Variants in CFAP43 observed in about 807,000 individuals in gnomAD.
CFAP43 encodes the protein cilia and flagella associated protein 43.
A neutral mutation model predicts 218.9 loss-of-function variants in CFAP43; 155 were observed. The observed-to-expected ratio is 0.71, with a 90% CI of 0.62 to 0.81. The LOEUF is 0.81. Among genes scored for constraint, CFAP43 ranks in the 30% least tolerant of loss-of-function variants. CFAP43 has a pLI of 0.00. For synonymous variants in CFAP43, 645 were observed against 681.3 expected (o/e 0.95, Z 0.83); for missense variants, 1,778 against 1,954.3 (o/e 0.91, Z 1.70).
At chr10:104,177,025 T>C (rs1390577446) in intron 19 of CFAP43, among the ~76,000 whole-genome samples, 1 of 152,112 alleles carries the variant, frequency 6.6e-6, no homozygotes, top group African/African-American at 2.4e-5. Flanking sequence ...AAATAGTGTT[T>C]AGAGTTATGA....
At chr10:104,176,272 G>A (rs952934809) in intron 19 of CFAP43, among the ~76,000 whole-genome samples, 1 of 152,038 alleles carries the variant, frequency 6.6e-6, no homozygotes, top group African/African-American at 2.4e-5. Flanking sequence ...AAAACAGACT[G>A]GGGAAATGGG....
At chr10:104,151,365 T>C (rs1022578323) in intron 28 of CFAP43, among the ~76,000 whole-genome samples, 10 of 152,200 alleles carry the variant, frequency 6.6e-5, no homozygotes, top group African/African-American at 1.9e-4. Flanking sequence ...CCACCAACAG[T>C]GTATAAGCAT....
At chr10:104,220,357 G>A (rs2091143399) in intron 3 of CFAP43, among the ~76,000 whole-genome samples, 1 of 152,152 alleles carries the variant, frequency 6.6e-6, no homozygotes, top group Non-Finnish European at 1.5e-5. Flanking sequence ...GGCAGGCCTA[G>A]CTAATTAATA....
chr10:104,229,482 A>T (rs2091390592), intron 2 of CFAP43, among the ~76,000 whole-genome samples: 1 of 145,948 alleles, frequency 6.9e-6, no homozygotes, highest in Non-Finnish European at 1.5e-5. Flanking sequence ...GTAAAACCCC[A>T]TCCTCTGCCA....
At position 104,145,461 on chromosome 10, in the gene CFAP43, GA is replaced by G; in HGVS notation, c.3944+14del. Reference sequence around the variant, plus strand: ...ACTTTTTTCTCAGAAACACAATAGTGAAGGAGAAACAAACCTTGGTCGGCGT... The same window carrying G: ...ACTTTTTTCTCAGAAACACAATAGTGAGGAGAAACAAACCTTGGTCGGCGT... On this transcript the variant is annotated intron_variant, in intron 31 of 37. Transcript: ENST00000357060. 6.4e-7 allele frequency: 1 copy of G among 1,564,560 alleles called. No homozygotes were observed. Among genetic ancestry groups the G allele is most frequent in the Non-Finnish European group, 8.8e-7 (1 of 1,142,124 alleles).
At chr10:104,227,338 T>C (rs2091329685) in intron 2 of CFAP43, among the ~76,000 whole-genome samples, 1 of 152,144 alleles carries the variant, frequency 6.6e-6, no homozygotes, top group Non-Finnish European at 1.5e-5. Flanking sequence ...GTATACTGGG[T>C]CAAATAGAGT....
chr10:104,203,618 A>G, intron 8 of CFAP43, 54 bp downstream of exon 8: 1 of 1,524,292 alleles, frequency 6.6e-7, no homozygotes, highest in Non-Finnish European at 8.9e-7. Context: ...TCATGTAATG[A>G]TGATAATAAT....
chr10:104,147,973 G>A lies in CFAP43; in HGVS notation c.3686C>T (p.Ala1229Val). 2 of 1,590,156 alleles carry A rather than the reference G, an allele frequency of 1.3e-6. No individual in the cohort carries two copies. Among genetic ancestry groups the A allele is most frequent in the Non-Finnish European group, 1.7e-6 (2 of 1,167,034 alleles). The change falls in exon 29 of 38, where the codon GCA (alanine) becomes GTA (valine). Residue 1229 changes from alanine to valine, a missense_variant. Around this residue, in one of 3 missense-constraint regions of CFAP43, gnomAD observed 1,553 missense variants for 1,685.2 expected, o/e 0.92. Coordinates refer to ENST00000357060, the MANE Select transcript of CFAP43 (RefSeq NM_025145.7). ...TTCTTCATCCAACAATAAAGAAAAT[G>A]CAAGGTTACTTATTTTCAGTTCCTC... is the stretch of plus-strand genomic sequence containing the variant. ...NQEELKISNL[A>V]FSLLLDEELS...
rs2091285947 is a variant in CFAP43 at position 104,225,554 on chromosome 10, T to C, written c.323A>G (p.Asn108Ser). Residue 108 changes from asparagine to serine, a missense_variant, in exon 3 of 38, where the codon AAC becomes AGC. This residue lies in a region of CFAP43 where 1,553 missense variants were observed against 1,685.2 expected (regional missense o/e 0.92). Coordinates refer to ENST00000357060, the MANE Select transcript of CFAP43 (RefSeq NM_025145.7). ...GLTRRTKLKG[N>S]ILLDYTLLSF... ...AAGTAAAGTGTAGTCCAGGAGAATGTTGCCTAAAATATAAAATCCATTATC... is the reference window on the plus strand; with the variant it reads ...AAGTAAAGTGTAGTCCAGGAGAATGCTGCCTAAAATATAAAATCCATTATC... The C allele has an allele frequency of 4.4e-6, 7 of 1,608,944 alleles. No individual in the cohort carries two copies. In the African/African-American group the frequency reaches 5.4e-5, roughly 12 times the overall value.
Position 104,162,342 on chromosome 10 carries a change from T to C in CFAP43, c.3308A>G (p.Glu1103Gly). ...CTGTATCAGAAGCCAGTGCTCCTTT[T>C]CATGATTCACGATCAATTCTTTGGC... ...HKAKELIVNH[E>G]KEHWLLIQDA... Residue 1103 changes from glutamate to glycine, a missense_variant, in exon 25 of 38, where the codon GAA (glutamate) becomes GGA (glycine). By Grantham distance (98) the Glu-to-Gly change is moderately conservative. Transcript: ENST00000357060. 6.2e-7 allele frequency: 1 copy of C among 1,614,194 alleles called. No individual in the cohort carries two copies. Among genetic ancestry groups the C allele is most frequent in the African/African-American group, 1.3e-5 (1 of 75,056 alleles).
At chr10:104,199,550 G>C (rs1319493457) in intron 8 of CFAP43, among the ~76,000 whole-genome samples, 1 of 152,002 alleles carries the variant, frequency 6.6e-6, no homozygotes, top group Admixed American at 6.6e-5. Context: ...GGGAGATTCA[G>C]ACAATAAATA....
At chr10:104,131,550 G>C (rs984591827) in intron 36 of CFAP43, 66 bp from the exon 37 acceptor site, 143 of 1,479,326 alleles carry the variant, frequency 9.7e-5, no homozygotes, top group Admixed American at 1.3e-4. Flanking sequence ...ATCCTATAAA[G>C]ACATTATTCT....
chr10:104,198,037 C>T lies in CFAP43; in HGVS notation c.1097G>A (p.Gly366Glu). 2 of 1,544,208 alleles carry T rather than the reference C, an allele frequency of 1.3e-6. No individual in the cohort carries two copies. The highest frequency in any genetic ancestry group is 1.1e-5 in the South Asian group (1 of 87,688). The stretch of plus-strand genomic sequence containing the variant: ...ACCAAAAGTGTAGATATAAACAGAT[C>T]CCTGATAAACATACAAAAGAAAAGA... ...YTVLLIQTDK[G>E]SVYIYTFGKE... The change falls in exon 9 of 38, where the codon GGA becomes GAA. Residue 366 changes from glycine (G) to glutamate (E), a missense_variant and splice_region_variant. Transcript: ENST00000357060.
At chr10:104,217,172 A>G (rs2091034193) in intron 3 of CFAP43, among the ~76,000 whole-genome samples, 1 of 152,096 alleles carries the variant, frequency 6.6e-6, no homozygotes, top group Non-Finnish European at 1.5e-5. Context: ...AACCCCCTGA[A>G]TATTAGCCAG....
rs78304758 is a variant in CFAP43 at position 104,228,442 on chromosome 10, T to C, written c.319+2148A>G. Reference sequence around the variant, plus strand: ...ACCAGTGCCATACTTCTAATTACTATGGCACCATAATATTAAAATGACCCT... The same window carrying C: ...ACCAGTGCCATACTTCTAATTACTACGGCACCATAATATTAAAATGACCCT... On this transcript the variant is annotated intron_variant, in intron 2 of 37. Transcript: ENST00000357060. Among the ~76,000 whole-genome samples, 136 of 152,314 alleles carry C rather than the reference T, an allele frequency of 8.9e-4. 1 individual carries two copies. In the East Asian group the frequency reaches 0.024, roughly 27 times the overall value.
intron 16 of CFAP43, among the ~76,000 whole-genome samples, chr10:104,184,231 A>C (rs530971970): frequency 6.6e-6 from 1 of 152,268 alleles, no homozygotes; most frequent in South Asian, 2.1e-4. Context: ...ACTTGGAAGC[A>C]AGGATGATAA....
chr10:104,203,668 A>G lies in CFAP43; in HGVS notation c.1095+4T>C, dbSNP rs759739379. 6.3e-7 allele frequency: 1 copy of G among 1,596,570 alleles called. No individual in the cohort carries two copies. The highest frequency in any genetic ancestry group is 1.8e-5 in the Admixed American group (1 of 56,218). On this transcript the variant is annotated splice_donor_region_variant and intron_variant, in intron 8 of 37. Coordinates refer to ENST00000357060, the MANE Select transcript of CFAP43 (RefSeq NM_025145.7). ...ACATATCAAGAAATTACCATCCAAC[A>G]TACCTTGTCTGTTTGAATCAGCAAC... is the stretch of plus-strand genomic sequence containing the variant.
In CFAP43 at chr10:104,161,287, C is replaced by T. The variant is rs533993418; in HGVS notation, c.3415-125G>A. The T allele has an allele frequency of 6.3e-5, 63 of 999,952 alleles. No homozygotes were observed. In the Middle Eastern group the frequency reaches 1.3e-3, roughly 21 times the overall value. 61.9% of individuals were successfully genotyped at this position (999,952 alleles called of 1,614,324 possible). ...CAGTCCTTCACATTGGCAAGGAAAA[C>T]GACCTGACATCTTGGGCAAAAGATA... On this transcript the variant is annotated intron_variant, in intron 26 of 37. Coordinates refer to ENST00000357060, the MANE Select transcript of CFAP43 (RefSeq NM_025145.7).
At chr10:104,159,458 G>A (rs1418800486) in intron 27 of CFAP43, among the ~76,000 whole-genome samples, 1 of 152,126 alleles carries the variant, frequency 6.6e-6, no homozygotes, top group African/African-American at 2.4e-5. Context: ...CACAGGGTGG[G>A]AAAAATTGAT....
Sources: gnomAD v4.1 joint callset for allele counts (sites outside exome capture counted in the v4.1 genomes callset) on GRCh38, gnomAD v4.1.1 for gene constraint, gnomAD v4.1.1 regional missense constraint, MANE v1.5 for transcripts, NCBI Gene and HGNC (gene_info 2026-07-23, HGNC 2026-07-21) for gene names.